PLD5: variants seen among roughly 807,000 people sequenced by gnomAD.
The protein encoded by PLD5 is inactive phospholipase D5.
Under a neutral mutation model 61.1 loss-of-function variants are expected in PLD5, and 36 were observed. The ratio of observed to expected loss-of-function variants is 0.59; its 90% CI spans 0.45 to 0.78. PLD5 has a LOEUF of 0.78. Among genes scored for constraint, PLD5 ranks in the 30% least tolerant of loss-of-function variants. The pLI, the probability that PLD5 is intolerant of heterozygous loss-of-function variation, is 0.00. For synonymous variants in PLD5, 243 were observed against 242.8 expected (o/e 1.00, Z -0.01); for missense variants, 515 against 644.4 (o/e 0.80, Z 2.17).
chr1:242,428,136 G>T (rs1665530779), intron 1 of PLD5, among the ~76,000 whole-genome samples: 2 of 152,158 alleles, frequency 1.3e-5, no homozygotes, highest in African/African-American at 2.4e-5. Flanking sequence ...CTAACAGACT[G>T]TTAGGGAAAA....
intron 2 of PLD5, among the ~76,000 whole-genome samples, chr1:242,290,502 G>T (rs559459940): frequency 6.6e-6 from 1 of 152,118 alleles, no homozygotes; most frequent in Non-Finnish European, 1.5e-5. Flanking sequence ...GTGATCAAGG[G>T]AGAAGAGTTT....
chr1:242,459,562 A>T (rs1301405086), intron 1 of PLD5, among the ~76,000 whole-genome samples: 1 of 152,242 alleles, frequency 6.6e-6, no homozygotes, highest in Admixed American at 6.5e-5. Flanking sequence ...ATCAGAGAAA[A>T]GGGGGAGACG....
chr1:242,405,603 C>CT lies in PLD5; in HGVS notation c.190-57362dup, dbSNP rs57665543. 9.2e-4 allele frequency among the ~76,000 whole-genome samples: 134 copies of CT among 145,566 alleles called. 1 individual carries two copies. The highest frequency in any genetic ancestry group is 4.7e-3 in the East Asian group (23 of 4,936). On this transcript the variant is annotated intron_variant, in intron 1 of 9. Transcript: ENST00000536534. ...CATATGAAACTGCCAATATTTGATA[C>CT]TTTTTTTTTTTTTTTGAGATGGAGT...
intron 1 of PLD5, among the ~76,000 whole-genome samples, chr1:242,422,149 C>T (rs1665179364): frequency 6.6e-6 from 1 of 152,050 alleles, no homozygotes; most frequent in Admixed American, 6.6e-5. Context: ...CTGGTTTCAT[C>T]CCAGATAAAT....
At chr1:242,245,396 G>T (rs145073542) in intron 4 of PLD5, among the ~76,000 whole-genome samples, 1 of 152,128 alleles carries the variant, frequency 6.6e-6, no homozygotes, top group Admixed American at 6.5e-5. Flanking sequence ...GCTTTGCTTC[G>T]TGCATAATTA....
intron 1 of PLD5, among the ~76,000 whole-genome samples, chr1:242,494,451 T>G (rs1247812989): frequency 6.6e-6 from 1 of 152,136 alleles, no homozygotes; most frequent in Non-Finnish European, 1.5e-5. Context: ...CCATCACTTC[T>G]GCCATCCCAT....
At chr1:242,144,928 A>G (rs1664443013) in intron 5 of PLD5, among the ~76,000 whole-genome samples, 1 of 152,200 alleles carries the variant, frequency 6.6e-6, no homozygotes. Flanking sequence ...AAACAGTGAT[A>G]TGAATATTAA....
At position 242,086,889 on chromosome 1, in the gene PLD5, T is replaced by A. The variant is rs1449722930; in HGVS notation, c.*2965A>T. 1 of 152,162 alleles carries A rather than the reference T, an allele frequency of 6.6e-6. No homozygotes were observed. The highest frequency in any genetic ancestry group is 2.4e-5 in the African/African-American group (1 of 41,432). 9.4% of individuals were successfully genotyped at this position (152,162 alleles called of 1,614,324 possible). On this transcript the variant is annotated 3_prime_UTR_variant, in exon 10 of 10. Transcript: ENST00000536534. The stretch of plus-strand genomic sequence containing the variant: ...TGGGGAGTAGTCACCCTGCTCCTCA[T>A]AATTTCTGGCATGGACATCCACCAG...
At chr1:242,343,404 G>A (rs1013886277) in intron 2 of PLD5, among the ~76,000 whole-genome samples, 7 of 152,128 alleles carry the variant, frequency 4.6e-5, no homozygotes, top group African/African-American at 1.7e-4. Flanking sequence ...CCACTTTCAG[G>A]TAAAGTCTGG....
At chr1:242,397,461 A>G (rs1663658549) in intron 1 of PLD5, among the ~76,000 whole-genome samples, 1 of 151,836 alleles carries the variant, frequency 6.6e-6, no homozygotes, top group Non-Finnish European at 1.5e-5. Flanking sequence ...CCTAATCACC[A>G]TTATTAGAGA....
chr1:242,395,037 G>GTATATGTATATATGAA (rs1663460894), intron 1 of PLD5, among the ~76,000 whole-genome samples: 1 of 47,858 alleles, frequency 2.1e-5, no homozygotes, highest in African/African-American at 1.1e-4. Flanking sequence ...ATATATGAAT[G>GTATATGTATATATGAA]TATATGTATA....
intron 1 of PLD5, among the ~76,000 whole-genome samples, chr1:242,497,472 T>TTG (rs1668408820): frequency 6.6e-6 from 1 of 152,032 alleles, no homozygotes; most frequent in African/African-American, 2.4e-5. Flanking sequence ...GCCACATCCT[T>TTG]TGTGTGTGTG....
chr1:242,159,928 C>T (rs534797657), intron 5 of PLD5, among the ~76,000 whole-genome samples: 2 of 152,224 alleles, frequency 1.3e-5, no homozygotes, highest in South Asian at 2.1e-4. Context: ...GTCTATATTC[C>T]AGAGAGGCTG....
chr1:242,100,670 A>T lies in PLD5; in HGVS notation c.1352T>A (p.Ile451Asn). 1.2e-6 allele frequency: 2 copies of T among 1,612,964 alleles called. No homozygotes were observed. Among genetic ancestry groups the T allele is most frequent in the Non-Finnish European group, 1.7e-6 (2 of 1,179,050 alleles). ...AGCTTCACAGCCCTGACACCTACCA[A>T]TATAAGCTGCTCCATCTGTCACCAT... is the stretch of plus-strand genomic sequence containing the variant. ...KYMVTDGAAY[I>N]GNFDWVGNDF... Residue 451 changes from isoleucine (I) to asparagine (N), a missense_variant and splice_region_variant, in exon 9 of 10, where the codon ATT (isoleucine) becomes AAT (asparagine). By Grantham distance (149) the Ile-to-Asn change is moderately radical. This residue lies in a region of PLD5 where 450 missense variants were observed against 598.1 expected (regional missense o/e 0.75). Coordinates refer to ENST00000536534, the MANE Select transcript of PLD5 (RefSeq NM_001372062.1).
At chr1:242,497,830 C>T (rs559287938) in intron 1 of PLD5, among the ~76,000 whole-genome samples, 15 of 152,260 alleles carry the variant, frequency 9.9e-5, no homozygotes, top group African/African-American at 3.1e-4. Flanking sequence ...CCAAGCACTG[C>T]GGAAGGAAGG....
intron 5 of PLD5, among the ~76,000 whole-genome samples, chr1:242,174,773 A>G (rs1388018979): frequency 6.6e-6 from 1 of 152,020 alleles, no homozygotes; most frequent in Non-Finnish European, 1.5e-5. Flanking sequence ...GCTGGAAACC[A>G]TCATTCTCAG....
intron 1 of PLD5, among the ~76,000 whole-genome samples, chr1:242,391,111 C>T (rs946104229): frequency 2.0e-5 from 3 of 152,148 alleles, no homozygotes; most frequent in African/African-American, 7.2e-5. Context: ...AGGAGAATGG[C>T]GTGAACCCGG....
At chr1:242,168,549 GAAGT>G (rs1347908199) in intron 5 of PLD5, among the ~76,000 whole-genome samples, 1 of 152,134 alleles carries the variant, frequency 6.6e-6, no homozygotes, top group Non-Finnish European at 1.5e-5. Context: ...CACTATTTAT[GAAGT>G]AAGAGGCTCT....
At chr1:242,318,928 C>A (rs1574723544) in intron 2 of PLD5, among the ~76,000 whole-genome samples, 1 of 152,180 alleles carries the variant, frequency 6.6e-6, no homozygotes, top group East Asian at 1.9e-4. Context: ...TGAAATTACA[C>A]CTAGTGTTGG....
Sources: allele counts gnomAD v4.1 joint callset (sites outside exome capture counted in the v4.1 genomes callset), GRCh38; gene constraint gnomAD v4.1.1; regional missense constraint gnomAD v4.1.1; transcripts MANE v1.5; gene names NCBI Gene and HGNC (gene_info 2026-07-23, HGNC 2026-07-21).